The following SUMF1 variants were observed in gnomAD, a reference collection of about 807,000 sequenced individuals.
The protein encoded by SUMF1 is sulfatase modifying factor 1.
SUMF1 carries 48 observed loss-of-function variants against 47.6 expected under a neutral mutation model. That is an observed-to-expected ratio of 1.01 (90% CI 0.80 to 1.28). The LOEUF (loss-of-function observed/expected upper bound fraction) is 1.28. SUMF1 is among the 50% of genes most tolerant of loss of function. The pLI is 0.00. For synonymous variants in SUMF1, 230 were observed against 192.1 expected, an observed-to-expected ratio of 1.20 and a Z score of -1.63; for missense variants, 571 against 485.4, an observed-to-expected ratio of 1.18 and a Z score of -1.66.
At chr3:4,197,115 A>G (rs893289713) in intron 8 of SUMF1, among the ~76,000 whole-genome samples, 1 of 152,122 alleles carries the variant, frequency 6.6e-6, no homozygotes, top group Non-Finnish European at 1.5e-5. Context: ...GGAGTTCAGA[A>G]AAGAGAGCAG....
At chr3:4,064,869 A>C (rs149029883) in intron 9 of SUMF1, among the ~76,000 whole-genome samples, 1 of 152,182 alleles carries the variant, frequency 6.6e-6, no homozygotes, top group Non-Finnish European at 1.5e-5. Context: ...TAATTTCTTC[A>C]AGCTGTGTCA....
intron 8 of SUMF1, among the ~76,000 whole-genome samples, chr3:4,263,461 T>C (rs1559628713): frequency 6.6e-6 from 1 of 152,188 alleles, no homozygotes; most frequent in Non-Finnish European, 1.5e-5. Context: ...TTCCTTAGCC[T>C]AGCAGATCCA....
At chr3:4,341,595 G>A (rs1428453232) in intron 8 of SUMF1, among the ~76,000 whole-genome samples, 2 of 152,156 alleles carry the variant, frequency 1.3e-5, no homozygotes, top group East Asian at 1.9e-4. Context: ...AAGGCTACAT[G>A]CAAGAGAGAT....
chr3:4,288,665 G>T (rs1422553090), intron 8 of SUMF1, among the ~76,000 whole-genome samples: 2 of 152,096 alleles, frequency 1.3e-5, no homozygotes, highest in Non-Finnish European at 2.9e-5. Flanking sequence ...GGGCATGGTG[G>T]CATGCACCTG....
In SUMF1 at chr3:4,152,711, A is replaced by G. The variant is rs1156930459; in HGVS notation, c.1015-83966T>C. 2.0e-5 allele frequency among the ~76,000 whole-genome samples: 3 copies of G among 151,514 alleles called. 1 individual carries two copies. The highest frequency in any genetic ancestry group is 4.4e-5 in the Non-Finnish European group (3 of 68,018). ...AATCAAACTGTCTACACTTGGCTAG[A>G]CCAATGCTTCATGCAGCCCAAGGCT... On this transcript the variant is annotated intron_variant and NMD_transcript_variant, in intron 8 of 12. Coordinates refer to the SUMF1 transcript ENST00000448413.
chr3:4,460,420 A>G (rs2079779715), intron 1 of SUMF1, among the ~76,000 whole-genome samples: 1 of 152,076 alleles, frequency 6.6e-6, no homozygotes, highest in South Asian at 2.1e-4. Context: ...ATCGCCTTTC[A>G]GAATAACATA....
intron 8 of SUMF1, among the ~76,000 whole-genome samples, chr3:4,292,402 A>G (rs993728004): frequency 6.6e-6 from 1 of 152,228 alleles, no homozygotes; most frequent in African/African-American, 2.4e-5. Context: ...GCAGTACATG[A>G]CAAGAAGGGG....
At chr3:4,170,041 T>G (rs1433378305) in intron 8 of SUMF1, among the ~76,000 whole-genome samples, 1 of 152,194 alleles carries the variant, frequency 6.6e-6, no homozygotes, top group Non-Finnish European at 1.5e-5. Context: ...CAATAGGGAT[T>G]GGCAAACTAT....
intron 7 of SUMF1, among the ~76,000 whole-genome samples, chr3:4,399,749 C>G (rs1015855391): frequency 3.9e-5 from 6 of 152,122 alleles, no homozygotes; most frequent in African/African-American, 1.4e-4. Flanking sequence ...AATTTCCTTT[C>G]TTTTCTTTTC....
intron 8 of SUMF1, among the ~76,000 whole-genome samples, chr3:4,302,306 G>T (rs955734038): frequency 6.6e-6 from 1 of 152,166 alleles, no homozygotes; most frequent in African/African-American, 2.4e-5. Context: ...GGCAGACAAC[G>T]AGAAGCGGGT....
intron 7 of SUMF1, among the ~76,000 whole-genome samples, chr3:4,392,265 C>CT (rs1559268528): frequency 1.3e-5 from 2 of 151,998 alleles, no homozygotes; most frequent in African/African-American, 4.8e-5. Context: ...CTACTTGGTT[C>CT]TTTTTTTAAA....
chr3:4,304,706 G>T (rs555470675), intron 8 of SUMF1, among the ~76,000 whole-genome samples: 2 of 152,250 alleles, frequency 1.3e-5, no homozygotes, highest in South Asian at 4.1e-4. Context: ...TTTTTGTGAG[G>T]ATCAGATAAG....
intron 8 of SUMF1, among the ~76,000 whole-genome samples, chr3:4,367,497 T>C (rs1025191966): frequency 6.6e-6 from 1 of 151,760 alleles, no homozygotes; most frequent in Non-Finnish European, 1.5e-5. Flanking sequence ...TTAAAGTTCA[T>C]ATGGAACTAA....
intron 8 of SUMF1, among the ~76,000 whole-genome samples, chr3:4,265,208 G>A (rs1290673880): frequency 6.7e-6 from 1 of 149,936 alleles, no homozygotes. Context: ...GGAGCAGGAA[G>A]ATCCCTGGTT....
At chr3:4,295,995 A>G (rs566883696) in intron 8 of SUMF1, among the ~76,000 whole-genome samples, 2 of 152,332 alleles carry the variant, frequency 1.3e-5, no homozygotes, top group African/African-American at 2.4e-5. Flanking sequence ...ACAAAAATGT[A>G]AACTGCTGTC....
chr3:4,126,755 G>C (rs886696013), intron 8 of SUMF1, among the ~76,000 whole-genome samples: 1 of 152,074 alleles, frequency 6.6e-6, no homozygotes, highest in African/African-American at 2.4e-5. Context: ...TAAAAAACAA[G>C]ACAGTTAAAT....
intron 8 of SUMF1, among the ~76,000 whole-genome samples, chr3:4,297,711 G>A (rs899403275): frequency 6.6e-6 from 1 of 151,920 alleles, no homozygotes. Flanking sequence ...GCCTGGCCGT[G>A]ATAGTTCTTA....
intron 3 of SUMF1, among the ~76,000 whole-genome samples, chr3:4,423,602 C>T (rs57855664): frequency 0.015 from 2,314 of 152,254 alleles, 71 homozygotes; most frequent in African/African-American, 0.053. Context: ...CAGAGTATGA[C>T]TGAAGACAAT....
intron 9 of SUMF1, among the ~76,000 whole-genome samples, chr3:4,041,307 A>G (rs994024979): frequency 9.9e-5 from 15 of 152,238 alleles, no homozygotes; most frequent in South Asian, 2.1e-4. Context: ...CCTGACCTCA[A>G]GTGATCTGCC....
Sources: gnomAD v4.1 joint callset for allele counts (sites outside exome capture counted in the v4.1 genomes callset) on GRCh38, gnomAD v4.1.1 for gene constraint, MANE v1.5 for transcripts, NCBI Gene and HGNC (gene_info 2026-07-23, HGNC 2026-07-21) for gene names.